KSR2: variants seen among roughly 807,000 people sequenced by gnomAD.
KSR2 encodes kinase suppressor of ras 2.
Under a neutral mutation model 107.8 loss-of-function variants are expected in KSR2, and 25 were observed. The observed-to-expected ratio is 0.23, with a 90% CI of 0.17 to 0.32. KSR2 has a LOEUF of 0.32. Among genes scored for constraint, KSR2 ranks in the 10% least tolerant of loss-of-function variants. The pLI is 1.00. For synonymous variants in KSR2, 480 were observed against 507.0 expected, an observed-to-expected ratio of 0.95 and a Z score of 0.71; for missense variants, 887 against 1,268.9, an observed-to-expected ratio of 0.70 and a Z score of 4.57.
intron 13 of KSR2, among the ~76,000 whole-genome samples, chr12:117,525,682 T>A (rs1875091188): frequency 6.6e-6 from 1 of 152,208 alleles, no homozygotes; most frequent in African/African-American, 2.4e-5. Flanking sequence ...TACGTGCATG[T>A]GATAAAGTTG....
intron 5 of KSR2, among the ~76,000 whole-genome samples, chr12:117,620,949 G>A (rs1343890030): frequency 6.6e-6 from 1 of 152,088 alleles, no homozygotes; most frequent in Non-Finnish European, 1.5e-5. Context: ...GTAAATTACT[G>A]TGGGAATATT....
intron 4 of KSR2, among the ~76,000 whole-genome samples, chr12:117,670,588 G>A (rs1488123798): frequency 6.6e-6 from 1 of 152,162 alleles, no homozygotes; most frequent in East Asian, 1.9e-4. Context: ...CAGAGGCACT[G>A]GGGTGGCCAA....
At chr12:117,520,549 G>C (rs765594805) in intron 14 of KSR2, among the ~76,000 whole-genome samples, 12 of 152,216 alleles carry the variant, frequency 7.9e-5, no homozygotes, top group Non-Finnish European at 1.8e-4. Flanking sequence ...GTGAAAGCAA[G>C]GACACTGAGT....
intron 5 of KSR2, among the ~76,000 whole-genome samples, chr12:117,610,748 A>AC (rs1278785059): frequency 6.6e-6 from 1 of 151,580 alleles, no homozygotes; most frequent in Non-Finnish European, 1.5e-5. Flanking sequence ...CAAAAAAAAA[A>AC]AAAAAAACAG....
rs540214647 is a variant in KSR2, at chr12:117,906,167, A to G, written c.181-45736T>C. ...GGAGTTCGAGCCCAGCCTGGCTGAC[A>G]TGGCAAAACCCCATCTCTACAAAAA... On this transcript the variant is annotated intron_variant, in intron 1 of 19. Transcript: ENST00000339824. Among the ~76,000 whole-genome samples the G allele has an allele frequency of 4.0e-5, 6 of 151,832 alleles. No homozygotes were observed. In the South Asian group the frequency reaches 1.3e-3, roughly 32 times the overall value.
intron 7 of KSR2, among the ~76,000 whole-genome samples, chr12:117,572,096 G>A (rs1485320964): frequency 6.6e-6 from 1 of 152,178 alleles, no homozygotes; most frequent in Non-Finnish European, 1.5e-5. Context: ...CCTGCCTGGT[G>A]CAAACAATTG....
intron 3 of KSR2, among the ~76,000 whole-genome samples, chr12:117,794,579 A>G (rs1221440155): frequency 6.9e-6 from 1 of 144,298 alleles, no homozygotes; most frequent in Non-Finnish European, 1.5e-5. Flanking sequence ...ACATGCACAC[A>G]TACATCAACA....
At chr12:117,643,430 G>C (rs889818957) in intron 5 of KSR2, among the ~76,000 whole-genome samples, 4 of 152,172 alleles carry the variant, frequency 2.6e-5, no homozygotes, top group Admixed American at 2.6e-4. Context: ...CTGGGCAACA[G>C]AGCAAGACTC....
chr12:117,851,958 T>G lies in KSR2; in HGVS notation c.472+3470A>C, dbSNP rs910539228. The stretch of plus-strand genomic sequence containing the variant: ...GATATAGAATAGAACAGGAATGAAT[T>G]TACAACATCTTCATCATGCATAAGA... On this transcript the variant is annotated intron_variant, in intron 3 of 19. Transcript: ENST00000339824. 1.1e-4 allele frequency among the ~76,000 whole-genome samples: 17 copies of G among 152,154 alleles called. No individual in the cohort carries two copies. In the East Asian group the frequency reaches 3.1e-3, roughly 28 times the overall value.
intron 1 of KSR2, among the ~76,000 whole-genome samples, chr12:117,936,583 G>A (rs114691436): frequency 0.011 from 1,685 of 147,502 alleles, 35 homozygotes; most frequent in African/African-American, 0.04. Context: ...TAGAGACAGG[G>A]TCTCGCTTTG....
intron 1 of KSR2, among the ~76,000 whole-genome samples, chr12:117,905,485 G>A (rs929253182): frequency 3.3e-5 from 5 of 152,090 alleles, no homozygotes; most frequent in Admixed American, 1.3e-4. Flanking sequence ...CCACATTCTG[G>A]GACACCTTCA....
In KSR2 at chr12:117,855,417, G is replaced by T. The variant is rs1388584599; in HGVS notation, c.472+11C>A. ...CAAGTCTCCACATCCCCGACCCCGG[G>T]GCCTGCTCACCTGACATGTGGACAT... On this transcript the variant is annotated intron_variant, in intron 3 of 19. Transcript: ENST00000339824. The T allele has an allele frequency of 6.2e-7, 1 of 1,613,996 alleles. No homozygotes were observed. Among genetic ancestry groups the T allele is most frequent in the Admixed American group, 1.7e-5 (1 of 60,014 alleles).
Position 117,656,958 on chromosome 12 carries a change from A to AT in KSR2, c.1171+10515_1171+10516insA, listed in dbSNP as rs1555225255. 5.0e-3 allele frequency among the ~76,000 whole-genome samples: 441 copies of AT among 87,672 alleles called. 5 individuals are homozygous for AT. The highest frequency in any genetic ancestry group is 9.7e-3 in the South Asian group (20 of 2,056). 57.5% of individuals were successfully genotyped at this position (87,672 alleles called of 152,430 possible). A position where few individuals can be genotyped will look rare whatever the true frequency, so the allele number is the denominator to read the frequency against. ...TATAATAGGATATATATATATATAT[A>AT]ATAGGATATATATATATAATAGGAT... On this transcript the variant is annotated intron_variant, in intron 5 of 19. Transcript: ENST00000339824.
chr12:117,938,137 C>T (rs1448705907), intron 1 of KSR2, among the ~76,000 whole-genome samples: 1 of 152,068 alleles, frequency 6.6e-6, no homozygotes, highest in Non-Finnish European at 1.5e-5. Flanking sequence ...TGCTGTCATC[C>T]TTCAGGTCTT....
intron 5 of KSR2, among the ~76,000 whole-genome samples, chr12:117,663,144 T>C (rs1160683851): frequency 1.3e-5 from 2 of 152,178 alleles, no homozygotes; most frequent in Admixed American, 6.5e-5. Context: ...TGCAAGGGCA[T>C]TGGAGAGAAA....
intron 5 of KSR2, among the ~76,000 whole-genome samples, chr12:117,614,122 A>G (rs1213740772): frequency 6.6e-6 from 1 of 152,236 alleles, no homozygotes; most frequent in East Asian, 1.9e-4. Flanking sequence ...ATACTAAAAA[A>G]TATATTTAAT....
intron 4 of KSR2, among the ~76,000 whole-genome samples, chr12:117,721,001 G>A (rs537835008): frequency 2.0e-5 from 3 of 152,252 alleles, no homozygotes; most frequent in Non-Finnish European, 2.9e-5. Context: ...GGTCCCATTC[G>A]GCCATCAGAC....
chr12:117,679,048 G>C (rs1180050324), intron 4 of KSR2, among the ~76,000 whole-genome samples: 1 of 152,132 alleles, frequency 6.6e-6, no homozygotes, highest in African/African-American at 2.4e-5. Context: ...AAGGCACATG[G>C]CCCAAACTCT....
chr12:117,932,047 G>A (rs1200496179), intron 1 of KSR2, among the ~76,000 whole-genome samples: 2 of 152,178 alleles, frequency 1.3e-5, no homozygotes, highest in Non-Finnish European at 2.9e-5. Context: ...AGCACTTTGG[G>A]AGGCTAAGGC....
Sources: gnomAD v4.1 joint callset for allele counts (sites outside exome capture counted in the v4.1 genomes callset) on GRCh38, gnomAD v4.1.1 for gene constraint, MANE v1.5 for transcripts, NCBI Gene and HGNC (gene_info 2026-07-23, HGNC 2026-07-21) for gene names.